Variants in FBXL20 observed in about 807,000 individuals in gnomAD.
FBXL20 encodes F-box and leucine rich repeat protein 20, also known as F-box/LRR-repeat protein 20.
In FBXL20, 11 loss-of-function variants were observed where a neutral mutation model predicts 64.0. That is an observed-to-expected ratio of 0.17 (90% CI 0.11 to 0.28). The LOEUF is 0.28. Among genes scored for constraint, FBXL20 ranks in the 10% least tolerant of loss-of-function variants. FBXL20 has a pLI of 1.00. For missense variants in FBXL20, 303 were observed against 526.2 expected, an observed-to-expected ratio of 0.58 and a Z score of 4.15; for synonymous variants, 184 against 189.0, an observed-to-expected ratio of 0.97 and a Z score of 0.22.
At position 39,264,374 on chromosome 17, in the gene FBXL20, C is replaced by T. The variant is rs759375819; in HGVS notation, c.1004G>A (p.Cys335Tyr). ...AATTCCATCATCTGTGATCAGCTCA[C>T]AGTGAGACAGACTCTGCAGCCAAAT... Reference protein sequence around the residue: ...PRLQVLSLSHCELITDDGIRH... With the variant: ...PRLQVLSLSHYELITDDGIRH... The change falls in exon 14 of 15, where the codon TGT becomes TAT. Residue 335 changes from cysteine (C) to tyrosine (Y), a missense_variant. By Grantham distance (194) the Cys-to-Tyr change is radical. Around this residue, in one of 3 missense-constraint regions of FBXL20, gnomAD observed 246 missense variants for 422.6 expected, o/e 0.58. Transcript: ENST00000264658. 1 of 1,613,148 alleles carries T rather than the reference C, an allele frequency of 6.2e-7. No individual in the cohort carries two copies. The highest frequency in any genetic ancestry group is 1.1e-5 in the South Asian group (1 of 91,046).
intron 1 of FBXL20, among the ~76,000 whole-genome samples, chr17:39,358,184 G>A (rs1168517330): frequency 6.6e-6 from 1 of 152,164 alleles, no homozygotes; most frequent in Non-Finnish European, 1.5e-5. Flanking sequence ...CTCAGCTCAA[G>A]GAGAGGCAGT....
At chr17:39,336,559 C>G (rs2047523667) in intron 2 of FBXL20, among the ~76,000 whole-genome samples, 1 of 152,158 alleles carries the variant, frequency 6.6e-6, no homozygotes, top group Non-Finnish European at 1.5e-5. Context: ...GGGGCGGTGG[C>G]TCACACCTAT....
At chr17:39,290,518 T>C (rs941874460) in intron 6 of FBXL20, among the ~76,000 whole-genome samples, 2 of 152,176 alleles carry the variant, frequency 1.3e-5, no homozygotes, top group African/African-American at 4.8e-5. Context: ...TAAGAGATTT[T>C]TCACATATAT....
At chr17:39,398,512 G>A (rs2048209191) in intron 1 of FBXL20, among the ~76,000 whole-genome samples, 1 of 152,076 alleles carries the variant, frequency 6.6e-6, no homozygotes, top group Non-Finnish European at 1.5e-5. Flanking sequence ...ACCTACAAGG[G>A]TTATTACTGT....
chr17:39,283,178 T>C (rs1235881417), intron 7 of FBXL20, among the ~76,000 whole-genome samples: 1 of 152,198 alleles, frequency 6.6e-6, no homozygotes, highest in African/African-American at 2.4e-5. Flanking sequence ...TTTATTCTAG[T>C]TTACAGAGTA....
At chr17:39,323,114 C>T (rs371902376) in intron 2 of FBXL20, among the ~76,000 whole-genome samples, 11 of 152,054 alleles carry the variant, frequency 7.2e-5, no homozygotes, top group Non-Finnish European at 1.5e-4. Context: ...AGACTACATG[C>T]GCCTGCCACT....
intron 2 of FBXL20, among the ~76,000 whole-genome samples, chr17:39,305,766 A>C (rs1465089756): frequency 1.3e-5 from 2 of 152,004 alleles, no homozygotes; most frequent in African/African-American, 4.8e-5. Context: ...TGGGTGGGTC[A>C]TCTGAGGTCA....
chr17:39,275,005 G>C lies in FBXL20; in HGVS notation c.792C>G (p.Ile264Met). 1 of 1,614,088 alleles carries C rather than the reference G, an allele frequency of 6.2e-7. No homozygotes were observed. ...ASGCSNITDAILNALGQNCPR... is the reference protein window; with the variant it reads ...ASGCSNITDAMLNALGQNCPR... ...GGCAGTTCTGACCTAGAGCATTCAG[G>C]ATGGCATCTGTGATGTTGGAGCAGC... The change falls in exon 10 of 15, where the codon ATC becomes ATG. Residue 264 changes from isoleucine to methionine, a missense_variant. Coordinates refer to ENST00000264658, the MANE Select transcript of FBXL20 (RefSeq NM_032875.3).
chr17:39,293,825 C>G (rs1242978525), intron 6 of FBXL20, among the ~76,000 whole-genome samples: 1 of 130,538 alleles, frequency 7.7e-6, no homozygotes, highest in South Asian at 2.1e-4. Context: ...ATTTCTGTAG[C>G]CTTTATTTTT....
At chr17:39,381,581 A>C (rs2048023719) in intron 1 of FBXL20, among the ~76,000 whole-genome samples, 1 of 151,896 alleles carries the variant, frequency 6.6e-6, no homozygotes, top group Admixed American at 6.6e-5. Context: ...ACTTGAGCCC[A>C]GGAGTTTGAG....
At chr17:39,331,023 T>C (rs2047455278) in intron 2 of FBXL20, among the ~76,000 whole-genome samples, 1 of 152,242 alleles carries the variant, frequency 6.6e-6, no homozygotes. Flanking sequence ...CAAAGTCCTT[T>C]TCCTCTGCCC....
chr17:39,327,211 G>C (rs1435868139), intron 2 of FBXL20, among the ~76,000 whole-genome samples: 1 of 152,028 alleles, frequency 6.6e-6, no homozygotes, highest in African/African-American at 2.4e-5. Flanking sequence ...AAAGTGTTGG[G>C]ATTATAGCCA....
chr17:39,391,248 T>C (rs2048130604), intron 1 of FBXL20, among the ~76,000 whole-genome samples: 2 of 134,864 alleles, frequency 1.5e-5, no homozygotes, highest in South Asian at 2.3e-4. Context: ...AGACCACCTG[T>C]CTCAAAAAAA....
intron 1 of FBXL20, among the ~76,000 whole-genome samples, chr17:39,351,395 T>C (rs2144591089): frequency 6.6e-6 from 1 of 152,022 alleles, no homozygotes; most frequent in African/African-American, 2.4e-5. Flanking sequence ...AGATGTTTTC[T>C]AGGAAACCCA....
intron 6 of FBXL20, among the ~76,000 whole-genome samples, chr17:39,295,017 A>T (rs1240789786): frequency 2.0e-5 from 3 of 152,262 alleles, no homozygotes; most frequent in Non-Finnish European, 2.9e-5. Context: ...ATTGTTAAAG[A>T]GTACATACTG....
At chr17:39,324,537 G>A (rs8067302) in intron 2 of FBXL20, among the ~76,000 whole-genome samples, 59,975 of 151,930 alleles carry the variant, frequency 0.39, 15,481 homozygotes, top group African/African-American at 0.74. Flanking sequence ...TGATCTGCCC[G>A]CCTCCCAAAG....
intron 2 of FBXL20, among the ~76,000 whole-genome samples, chr17:39,315,871 G>GAGA (rs2047286503): frequency 1.5e-5 from 2 of 137,068 alleles, no homozygotes; most frequent in African/African-American, 5.6e-5. Context: ...GAGAGAGAGA[G>GAGA]CAACTGTAGA....
intron 2 of FBXL20, among the ~76,000 whole-genome samples, chr17:39,319,633 C>T (rs2047332410): frequency 7.7e-6 from 1 of 129,552 alleles, no homozygotes; most frequent in Non-Finnish European, 1.5e-5. Context: ...TGCAGTAAGC[C>T]GAAAGCATCT....
intron 9 of FBXL20, among the ~76,000 whole-genome samples, chr17:39,279,885 CTG>C (rs2046932803): frequency 6.6e-6 from 1 of 151,770 alleles, no homozygotes; most frequent in Non-Finnish European, 1.5e-5. Flanking sequence ...CAGCAAGACT[CTG>C]TCCCAAAAAT....
Sources: allele counts gnomAD v4.1 joint callset (sites outside exome capture counted in the v4.1 genomes callset), GRCh38; gene constraint gnomAD v4.1.1; regional missense constraint gnomAD v4.1.1; transcripts MANE v1.5; gene names NCBI Gene and HGNC (gene_info 2026-07-23, HGNC 2026-07-21).